Variants in ADAM18 observed in about 807,000 individuals in gnomAD.
The protein encoded by ADAM18 is disintegrin and metalloproteinase domain-containing protein 18.
Under a neutral mutation model 94.4 loss-of-function variants are expected in ADAM18, and 117 were observed. The ratio of observed to expected loss-of-function variants is 1.24; its 90% CI spans 1.07 to 1.45. The LOEUF (loss-of-function observed/expected upper bound fraction) is 1.45, where lower values mean the gene tolerates loss of function less well. Among genes scored for constraint, ADAM18 ranks in the 40% most tolerant of loss-of-function variants. The pLI, the probability that ADAM18 is intolerant of heterozygous loss-of-function variation, is 0.00. For synonymous variants in ADAM18, 327 were observed against 291.6 expected (o/e 1.12, Z -1.24); for missense variants, 936 against 880.0 (o/e 1.06, Z -0.81).
chr8:39,587,003 A>G (rs1818422799), intron 2 of ADAM18, among the ~76,000 whole-genome samples: 1 of 152,162 alleles, frequency 6.6e-6, no homozygotes, highest in African/African-American at 2.4e-5. Flanking sequence ...TATTATTTAT[A>G]TGGAATTCTT....
intron 17 of ADAM18, among the ~76,000 whole-genome samples, chr8:39,697,298 CA>C (rs1355992758): frequency 5.9e-5 from 9 of 151,544 alleles, no homozygotes; most frequent in Non-Finnish European, 1.5e-5. Context: ...TATAAGACTA[CA>C]TTATCTGCAA....
At chr8:39,639,703 A>G (rs1820181837) in intron 10 of ADAM18, among the ~76,000 whole-genome samples, 1 of 152,062 alleles carries the variant, frequency 6.6e-6, no homozygotes. Flanking sequence ...TGTTCTTCCT[A>G]AATTTAATAA....
rs532494314 is a variant in ADAM18, at chr8:39,599,817, A to T, written c.133-6490A>T. Among the ~76,000 whole-genome samples the T allele has an allele frequency of 3.4e-4, 51 of 151,704 alleles. 1 individual carries two copies. The highest frequency in any genetic ancestry group is 4.7e-4 in the Non-Finnish European group (32 of 67,898). On this transcript the variant is annotated intron_variant, in intron 2 of 19. Transcript: ENST00000265707. ...CGCATTAGTTCTAGCAACTTTTTTC[A>T]TATATTACTTAGAATTTTTTCTGTG...
chr8:39,671,436 G>A (rs1453319597), intron 14 of ADAM18, among the ~76,000 whole-genome samples: 2 of 152,156 alleles, frequency 1.3e-5, no homozygotes, highest in Non-Finnish European at 2.9e-5. Context: ...AGTCTAGAGG[G>A]CCTCTGCTAA....
chr8:39,719,118 CG>C (rs980948853), intron 18 of ADAM18, among the ~76,000 whole-genome samples: 1 of 151,142 alleles, frequency 6.6e-6, no homozygotes, highest in Non-Finnish European at 1.5e-5. Flanking sequence ...ATCAAGTCAG[CG>C]TGGTACTGTC....
intron 17 of ADAM18, among the ~76,000 whole-genome samples, chr8:39,701,117 C>CAAAAAAAAAAAAAAAAA (rs71237188): frequency 3.5e-4 from 12 of 34,564 alleles, no homozygotes; most frequent in African/African-American, 8.2e-4. Context: ...GACTCTGTCT[C>CAAAAAAAAAAAAAAAAA]AAAAAAAAAA....
chr8:39,589,209 TA>T lies in ADAM18; in HGVS notation c.132+3858del, dbSNP rs1208379732. Among the ~76,000 whole-genome samples the T allele has an allele frequency of 2.0e-4, 30 of 152,338 alleles. 1 individual carries two copies. The highest frequency in any genetic ancestry group is 6.8e-3 in the Middle Eastern group (2 of 294). On this transcript the variant is annotated intron_variant, in intron 2 of 19. Coordinates refer to ENST00000265707, the MANE Select transcript of ADAM18 (RefSeq NM_014237.3). ...ATATTCAACAGCAGAATTCCAAGTC[TA>T]GCTGATAGTGCCAAGCCAACTCCTT...
At chr8:39,718,323 A>G (rs559109498) in intron 18 of ADAM18, among the ~76,000 whole-genome samples, 3 of 151,690 alleles carry the variant, frequency 2.0e-5, no homozygotes, top group Admixed American at 6.6e-5. Flanking sequence ...ATGTTCATCA[A>G]TAATGTGTGG....
At chr8:39,666,943 T>C (rs1821006411) in intron 13 of ADAM18, among the ~76,000 whole-genome samples, 1 of 152,078 alleles carries the variant, frequency 6.6e-6, no homozygotes, top group Non-Finnish European at 1.5e-5. Flanking sequence ...GACATCAACA[T>C]ATATAGCAGG....
intron 2 of ADAM18, chr8:39,604,482 T>A (rs1273777738): frequency 6.6e-6 from 1 of 152,094 alleles, no homozygotes; most frequent in African/African-American, 2.4e-5. Context: ...GGAGGTGAGG[T>A]CTGGTGAGAG....
chr8:39,603,630 T>G (rs1312977594), intron 2 of ADAM18, among the ~76,000 whole-genome samples: 2 of 152,232 alleles, frequency 1.3e-5, no homozygotes, highest in African/African-American at 4.8e-5. Flanking sequence ...CTTGCTTTAT[T>G]GCAATGGTTT....
chr8:39,691,400 G>T (rs186160389), intron 16 of ADAM18, among the ~76,000 whole-genome samples: 51 of 152,162 alleles, frequency 3.4e-4, no homozygotes, highest in African/African-American at 1.2e-3. Flanking sequence ...CAGCTAATAT[G>T]GAAAACAGTA....
chr8:39,712,898 C>T (rs1822456450), intron 18 of ADAM18, among the ~76,000 whole-genome samples: 1 of 152,182 alleles, frequency 6.6e-6, no homozygotes, highest in African/African-American at 2.4e-5. Flanking sequence ...CCATCCCCAT[C>T]AAGCTACCAA....
At chr8:39,636,266 G>A (rs556709492) in intron 7 of ADAM18, among the ~76,000 whole-genome samples, 7 of 152,186 alleles carry the variant, frequency 4.6e-5, no homozygotes, top group South Asian at 4.2e-4. Context: ...GGTTATAGGC[G>A]TGAGTCACTG....
At chr8:39,692,537 A>C in intron 16 of ADAM18, 63 bp from the exon 17 acceptor site, 1 of 984,498 alleles carries the variant, frequency 1.0e-6, no homozygotes, top group Admixed American at 2.4e-5. Context: ...AGAAATCATT[A>C]ATGTTTTTTC....
rs113597564 is a variant in ADAM18, at chr8:39,639,317, A to G, written c.909+771A>G. Reference sequence around the variant, plus strand: ...ACCACTATCCAATTGCCTTTGTTTAATTTTACTTCTTTTTGAAGTTTATGT... The same window carrying G: ...ACCACTATCCAATTGCCTTTGTTTAGTTTTACTTCTTTTTGAAGTTTATGT... On this transcript the variant is annotated intron_variant, in intron 10 of 19. Coordinates refer to ENST00000265707, the MANE Select transcript of ADAM18 (RefSeq NM_014237.3). Among the ~76,000 whole-genome samples the G allele has an allele frequency of 6.3e-3, 955 of 152,028 alleles. 7 individuals carry two copies. Among genetic ancestry groups the G allele is most frequent in the Non-Finnish European group, 9.7e-3 (659 of 67,872 alleles).
intron 2 of ADAM18, among the ~76,000 whole-genome samples, chr8:39,602,657 G>A (rs1055448302): frequency 9.9e-5 from 15 of 151,902 alleles, no homozygotes; most frequent in African/African-American, 3.1e-4. Context: ...AAATTGGGTT[G>A]TTTCTTGTTT....
intron 18 of ADAM18, among the ~76,000 whole-genome samples, chr8:39,718,767 C>CTT (rs1586013345): frequency 6.6e-6 from 1 of 151,418 alleles, no homozygotes. Context: ...AAATAAAATA[C>CTT]TTGCAAATAA....
intron 11 of ADAM18, among the ~76,000 whole-genome samples, chr8:39,647,475 A>G (rs1820416887): frequency 6.6e-6 from 1 of 152,158 alleles, no homozygotes; most frequent in African/African-American, 2.4e-5. Flanking sequence ...CGAGACATTC[A>G]GTTCCCAGGG....
Sources: allele counts gnomAD v4.1 joint callset (sites outside exome capture counted in the v4.1 genomes callset), GRCh38; gene constraint gnomAD v4.1.1; transcripts MANE v1.5; gene names NCBI Gene and HGNC (gene_info 2026-07-23, HGNC 2026-07-21).